Variants in GORAB observed in about 807,000 individuals in gnomAD.
GORAB encodes the protein golgin, RAB6 interacting, also known as RAB6-interacting golgin.
GORAB carries 17 observed loss-of-function variants against 29.9 expected under a neutral mutation model. The ratio of observed to expected loss-of-function variants is 0.57; its 90% CI spans 0.39 to 0.85. GORAB has a LOEUF of 0.85. GORAB is among the 40% of genes least tolerant of loss of function. The pLI is 0.00. For missense variants in GORAB, 442 were observed against 437.8 expected (o/e 1.01, Z -0.09); for synonymous variants, 183 against 157.2 (o/e 1.16, Z -1.23).
Position 170,553,088 on chromosome 1 carries a change from G to T in GORAB, c.*626G>T. 2 of 453,306 alleles carry T rather than the reference G, an allele frequency of 4.4e-6. No homozygotes were observed. Among genetic ancestry groups the T allele is most frequent in the South Asian group, 3.1e-5 (2 of 64,142 alleles). The allele number at this position is 453,306 out of a possible 1,614,324, so 28.1% of individuals were successfully genotyped here. A position where few individuals can be genotyped will look rare whatever the true frequency, so the allele number is the denominator to read the frequency against. ...GATTTTAGTTTACAACCTGCGTTTT[G>T]TTATTTGAAACACACACACTTATAT... On this transcript the variant is annotated 3_prime_UTR_variant, in exon 5 of 5. Transcript: ENST00000367763.
In GORAB at chr1:170,532,201, G is replaced by C. The variant is rs867906975; in HGVS notation, c.-23G>C. On this transcript the variant is annotated 5_prime_UTR_variant, in exon 1 of 5. Transcript: ENST00000367763. ...GCGGCTGCGAGATTTGGGCACTTTT[G>C]GGGGTGCCGGTGGCCCGGGCCGATG... 3.1e-6 allele frequency: 5 copies of C among 1,613,946 alleles called. No individual in the cohort carries two copies. Among genetic ancestry groups the C allele is most frequent in the Middle Eastern group, 1.7e-4 (1 of 5,922 alleles).
In GORAB at chr1:170,552,418, C is replaced by T. The variant is rs1483223031; in HGVS notation, c.1066C>T (p.Pro356Ser). Reference protein sequence around the residue: ...SSIPFLSPNCPNQEGNDISAA... With the variant: ...SSIPFLSPNCSNQEGNDISAA... ...CATCCCCTTTCTTAGTCCAAACTGC[C>T]CAAATCAAGAAGGTAATGACATTTC... The change falls in exon 5 of 5, where the codon CCA becomes TCA. Residue 356 changes from proline to serine, a missense_variant. Pro to Ser is a moderately conservative substitution (Grantham distance 74). Coordinates refer to ENST00000367763, the MANE Select transcript of GORAB (RefSeq NM_152281.3). 2 of 1,613,976 alleles carry T rather than the reference C, an allele frequency of 1.2e-6. No homozygotes were observed. Among genetic ancestry groups the T allele is most frequent in the East Asian group, 4.5e-5 (2 of 44,882 alleles).
chr1:170,542,379 ATCT>A (rs1378873202), intron 2 of GORAB, 109 bp from the exon 3 acceptor site: 3 of 685,110 alleles, frequency 4.4e-6, no homozygotes, highest in Admixed American at 5.1e-5. Flanking sequence ...ATATACATAA[ATCT>A]TCTTGATTAA....
chr1:170,546,706 C>T (rs192963731), intron 4 of GORAB, among the ~76,000 whole-genome samples: 8 of 152,028 alleles, frequency 5.3e-5, no homozygotes, highest in Admixed American at 1.3e-4. Flanking sequence ...GTTTTTGAGA[C>T]GGAGTATCAC....
At position 170,539,274 on chromosome 1, in the gene GORAB, A is replaced by G; in HGVS notation, c.126A>G (p.Lys42=). 6.2e-7 allele frequency: 1 copy of G among 1,614,198 alleles called. No homozygotes were observed. The highest frequency in any genetic ancestry group is 1.3e-5 in the African/African-American group (1 of 75,060). ...KKSRQQLQRE[K]ALVEQSQKLG... ...GTCGACAACAACTTCAGCGAGAAAA[A>G]GCCCTTGTAGAGCAAAGCCAAAAAC... The change falls in exon 2 of 5, where the codon AAA becomes AAG. Residue 42 remains lysine, a synonymous_variant. Coordinates refer to ENST00000367763, the MANE Select transcript of GORAB (RefSeq NM_152281.3).
At chr1:170,549,530 C>G (rs1649987588) in intron 4 of GORAB, among the ~76,000 whole-genome samples, 1 of 152,104 alleles carries the variant, frequency 6.6e-6, no homozygotes. Flanking sequence ...CTTTGACTGG[C>G]TGAAGGAGAC....
chr1:170,547,236 AATG>A (rs1288395430), intron 4 of GORAB, among the ~76,000 whole-genome samples: 1 of 152,130 alleles, frequency 6.6e-6, no homozygotes, highest in Non-Finnish European at 1.5e-5. Context: ...TTTTAATAAA[AATG>A]ATATCTTAGT....
chr1:170,550,972 A>C (rs183480724), intron 4 of GORAB, among the ~76,000 whole-genome samples: 13 of 152,378 alleles, frequency 8.5e-5, no homozygotes, highest in Non-Finnish European at 1.5e-4. Flanking sequence ...TGAGATTGCA[A>C]GGTGACTTCT....
chr1:170,538,554 A>G (rs1186478440), intron 1 of GORAB, among the ~76,000 whole-genome samples: 1 of 152,142 alleles, frequency 6.6e-6, no homozygotes, highest in Non-Finnish European at 1.5e-5. Flanking sequence ...CTATTGCTTT[A>G]CTGAGGCTAC....
intron 1 of GORAB, 49 bp downstream of exon 1, chr1:170,532,333 G>C (rs777158086): frequency 1.3e-6 from 2 of 1,596,210 alleles, no homozygotes; most frequent in Non-Finnish European, 8.6e-7. Context: ...TTAAGGGGAA[G>C]AGGCGGGGAT....
At chr1:170,546,916 C>T (rs921398955) in intron 4 of GORAB, among the ~76,000 whole-genome samples, 1 of 152,186 alleles carries the variant, frequency 6.6e-6, no homozygotes, top group African/African-American at 2.4e-5. Flanking sequence ...AACTCTTGAC[C>T]TCAGGTGATC....
chr1:170,553,661 C>G lies in GORAB; in HGVS notation c.*1199C>G. ...ATTATCTTCTGGTAATATAGATGAGCTTTATATTTTTATATTATGTAATTT... is the reference window on the plus strand; with the variant it reads ...ATTATCTTCTGGTAATATAGATGAGGTTTATATTTTTATATTATGTAATTT... On this transcript the variant is annotated 3_prime_UTR_variant, in exon 5 of 5. Coordinates refer to ENST00000367763, the MANE Select transcript of GORAB (RefSeq NM_152281.3). 2.2e-6 allele frequency: 1 copy of G among 450,886 alleles called. No individual in the cohort carries two copies. Among genetic ancestry groups the G allele is most frequent in the South Asian group, 1.6e-5 (1 of 63,000 alleles). 27.9% of individuals were successfully genotyped at this position (450,886 alleles called of 1,614,324 possible).
Position 170,539,445 on chromosome 1 carries a change from A to G in GORAB, c.297A>G (p.Gln99=). The part of the protein sequence containing the change: ...FTLTSPVGDG[Q]PQGIESQPKE... The stretch of plus-strand genomic sequence containing the variant: ...TCACCTCCCCCGTTGGTGATGGACA[A>G]CCACAGGGCATTGAAAGTCAGCCAA... The change falls in exon 2 of 5, where the codon CAA becomes CAG. Residue 99 remains glutamine, a synonymous_variant. Transcript: ENST00000367763. 1.2e-6 allele frequency: 2 copies of G among 1,614,130 alleles called. No individual in the cohort carries two copies. Among genetic ancestry groups the G allele is most frequent in the Non-Finnish European group, 1.7e-6 (2 of 1,180,000 alleles).
At chr1:170,545,563 G>C (rs1356676265) in intron 4 of GORAB, 1 of 984,920 alleles carries the variant, frequency 1.0e-6, no homozygotes, top group Admixed American at 6.2e-5. Flanking sequence ...CCAATTTCAG[G>C]GTTTTCAGCC....
intron 2 of GORAB, among the ~76,000 whole-genome samples, chr1:170,540,922 G>T (rs1170758526): frequency 6.6e-6 from 1 of 152,132 alleles, no homozygotes; most frequent in Admixed American, 6.5e-5. Context: ...GAGGAAGGAG[G>T]ACAGGCGTGG....
rs373523840 is a variant in GORAB, at chr1:170,552,921, G to A, written c.*459G>A. ...TTACAGTGTGAACAAGAGAAAAACA[G>A]GAATAGAAGAAAAAAGTTGCAGGTT... On this transcript the variant is annotated 3_prime_UTR_variant, in exon 5 of 5. Transcript: ENST00000367763. 133 of 450,228 alleles carry A rather than the reference G, an allele frequency of 3.0e-4. No homozygotes were observed. Among genetic ancestry groups the A allele is most frequent in the African/African-American group, 2.2e-3 (107 of 49,758 alleles). 27.9% of individuals were successfully genotyped at this position (450,228 alleles called of 1,614,324 possible).
intron 4 of GORAB, among the ~76,000 whole-genome samples, chr1:170,545,951 G>A (rs1339364159): frequency 1.3e-5 from 2 of 152,182 alleles, no homozygotes; most frequent in African/African-American, 4.8e-5. Context: ...GGAGATAACA[G>A]AGATTTTATT....
chr1:170,533,621 T>G (rs1271914565), intron 1 of GORAB: 2 of 447,278 alleles, frequency 4.5e-6, no homozygotes, highest in East Asian at 1.4e-4. Flanking sequence ...TTTCACAAAG[T>G]TTGTGTGTTA....
intron 3 of GORAB, among the ~76,000 whole-genome samples, chr1:170,543,228 T>A (rs2421326): frequency 0.64 from 97,219 of 152,112 alleles, 31,641 homozygotes; most frequent in East Asian, 0.99. Context: ...CCCATTGGAA[T>A]CATTCTTCCC....
Sources: allele counts gnomAD v4.1 joint callset (sites outside exome capture counted in the v4.1 genomes callset), GRCh38; gene constraint gnomAD v4.1.1; transcripts MANE v1.5; gene names NCBI Gene and HGNC (gene_info 2026-07-23, HGNC 2026-07-21).